PATJ: variants seen among roughly 807,000 people sequenced by gnomAD.
PATJ encodes the protein inaD-like protein.
Under a neutral mutation model 224.9 loss-of-function variants are expected in PATJ, and 190 were observed. The observed-to-expected ratio is 0.84, with a 90% CI of 0.75 to 0.95. The LOEUF (loss-of-function observed/expected upper bound fraction) is 0.95. Among genes scored for constraint, PATJ ranks in the 40% least tolerant of loss-of-function variants. The pLI is 0.00. For synonymous variants in PATJ, 769 were observed against 820.3 expected (o/e 0.94, Z 1.07); for missense variants, 2,121 against 2,270.3 (o/e 0.93, Z 1.34).
At chr1:61,943,881 C>T (rs1244105329) in intron 27 of PATJ, among the ~76,000 whole-genome samples, 2 of 152,124 alleles carry the variant, frequency 1.3e-5, no homozygotes, top group Non-Finnish European at 1.5e-5. Context: ...CCCTCTGAGA[C>T]GAAGCTTCCA....
intron 27 of PATJ, among the ~76,000 whole-genome samples, chr1:61,946,456 A>C (rs1337596228): frequency 2.0e-5 from 3 of 152,232 alleles, no homozygotes; most frequent in Non-Finnish European, 4.4e-5. Flanking sequence ...CAAATAAACT[A>C]GAAAATCTAG....
chr1:61,805,674 T>A (rs1653392059), intron 13 of PATJ, 150 bp downstream of exon 13: 1 of 585,752 alleles, frequency 1.7e-6, no homozygotes, highest in African/African-American at 1.9e-5. Flanking sequence ...ATCAATCGAT[T>A]TTTTTCCCCC....
Position 62,002,686 on chromosome 1 carries a change from G to A in PATJ, c.3867+12322G>A, listed in dbSNP as rs1398230491. Among the ~76,000 whole-genome samples, 4 of 137,920 alleles carry A rather than the reference G, an allele frequency of 2.9e-5. No individual in the cohort carries two copies. In the East Asian group the frequency reaches 8.2e-4, roughly 28 times the overall value. 90.5% of individuals were successfully genotyped at this position (137,920 alleles called of 152,430 possible). The stretch of plus-strand genomic sequence containing the variant: ...ATCGTGCCACTGCACTCAAACCTGG[G>A]CAACAAGAGCGAAACTCTGTCTCAA... On this transcript the variant is annotated intron_variant, in intron 28 of 43. Transcript: ENST00000642238.
At chr1:61,768,472 A>AAAATAAATAAATAAAT (rs141005824) in intron 4 of PATJ, among the ~76,000 whole-genome samples, 31,282 of 148,872 alleles carry the variant, frequency 0.21, 3,484 homozygotes, top group East Asian at 0.37. Context: ...TCCGTCTCAA[A>AAAATAAATAAATAAAT]AAATAAATAA....
intron 31 of PATJ, among the ~76,000 whole-genome samples, chr1:62,058,142 C>T (rs952827211): frequency 2.0e-5 from 3 of 152,174 alleles, no homozygotes; most frequent in Non-Finnish European, 4.4e-5. Flanking sequence ...CTCAGGGCAG[C>T]ATTCTTCTTG....
Position 62,026,910 on chromosome 1 carries a change from T to A in PATJ, c.3959+8963T>A, listed in dbSNP as rs768484447. ...CTGGGTCTGGAAGAGATATTTCTAT[T>A]TCCGTGTTCATAGCAACATTATTTG... On this transcript the variant is annotated intron_variant, in intron 29 of 43. Coordinates refer to ENST00000642238, the MANE Select transcript of PATJ (RefSeq NM_001350145.3). 5.9e-5 allele frequency among the ~76,000 whole-genome samples: 9 copies of A among 152,168 alleles called. 1 individual carries two copies. Among genetic ancestry groups the A allele is most frequent in the Non-Finnish European group, 1.3e-4 (9 of 68,024 alleles).
At chr1:61,819,060 C>G (rs570664885) in intron 14 of PATJ, among the ~76,000 whole-genome samples, 5 of 152,286 alleles carry the variant, frequency 3.3e-5, no homozygotes, top group African/African-American at 1.2e-4. Flanking sequence ...AGAAATTTAG[C>G]AATTATCCTT....
At chr1:61,925,821 A>G (rs1675110416) in intron 26 of PATJ, among the ~76,000 whole-genome samples, 1 of 152,240 alleles carries the variant, frequency 6.6e-6, no homozygotes, top group Non-Finnish European at 1.5e-5. Flanking sequence ...AAGAGAGTGA[A>G]GTGCTATTGA....
chr1:62,121,734 ACTGCACTC>A lies in PATJ; in HGVS notation c.5005+441_5005+448del, dbSNP rs1182377960. 5.3e-5 allele frequency among the ~76,000 whole-genome samples: 8 copies of A among 151,860 alleles called. No homozygotes were observed. In the East Asian group the frequency reaches 1.6e-3, roughly 30 times the overall value. Reference sequence around the variant, plus strand: ...GGTTGCAGTGAGCCAAGATCGTGCCACTGCACTCCAGCCTGGGTGACAGAGCAAGACTC... The same window carrying A: ...GGTTGCAGTGAGCCAAGATCGTGCCACAGCCTGGGTGACAGAGCAAGACTC... On this transcript the variant is annotated intron_variant, in intron 38 of 43. Transcript: ENST00000642238.
intron 14 of PATJ, among the ~76,000 whole-genome samples, chr1:61,815,069 G>T (rs2148676121): frequency 6.6e-6 from 1 of 152,316 alleles, no homozygotes; most frequent in South Asian, 2.1e-4. Context: ...GTTGTAGATT[G>T]TAAGAAGTGC....
At chr1:61,927,669 A>G (rs962571482) in intron 26 of PATJ, 61 bp from the exon 27 acceptor site, 6 of 1,035,606 alleles carry the variant, frequency 5.8e-6, no homozygotes, top group South Asian at 2.8e-5. Context: ...GCTTTTTGTC[A>G]TTGAAGAAAG....
chr1:61,927,795 T>G lies in PATJ; in HGVS notation c.3636T>G (p.Ser1212Arg), dbSNP rs779042729. 1 of 1,613,450 alleles carries G rather than the reference T, an allele frequency of 6.2e-7. No homozygotes were observed. Among genetic ancestry groups the G allele is most frequent in the South Asian group, 1.1e-5 (1 of 90,958 alleles). Residue 1212 changes from serine (S) to arginine (R), a missense_variant, in exon 27 of 44, where the codon AGT becomes AGG. Ser to Arg is a moderately radical substitution (Grantham distance 110). Transcript: ENST00000642238. Reference sequence around the variant, plus strand: ...CTTATAAAGCTCTGACTGATGACAGTGATGAAAATGAAGAAGAAGATGCCT... The same window carrying G: ...CTTATAAAGCTCTGACTGATGACAGGGATGAAAATGAAGAAGAAGATGCCT... ...PPPYKALTDDSDENEEEDAFT... is the reference protein window; with the variant it reads ...PPPYKALTDDRDENEEEDAFT...
intron 27 of PATJ, among the ~76,000 whole-genome samples, chr1:61,930,902 C>T (rs1675931434): frequency 6.6e-6 from 1 of 152,152 alleles, no homozygotes; most frequent in African/African-American, 2.4e-5. Flanking sequence ...GTTTCTTCTC[C>T]ATGTTGGTCA....
In PATJ at chr1:62,143,438, A is replaced by ATTTTTTTTTTTTTTT. The variant is rs34127211; in HGVS notation, c.5272-4830_5272-4816dup. 1.1e-4 allele frequency among the ~76,000 whole-genome samples: 8 copies of ATTTTTTTTTTTTTTT among 74,324 alleles called. 1 individual carries two copies. Among genetic ancestry groups the ATTTTTTTTTTTTTTT allele is most frequent in the African/African-American group, 4.6e-4 (8 of 17,232 alleles). The allele number at this position is 74,324 out of a possible 152,430, so 48.8% of individuals were successfully genotyped here. ...TTGGATATCACAGACTAAGCTGGGA[A>ATTTTTTTTTTTTTTT]TTTTTTTTTTTTTTTTTTTTTTTTT... On this transcript the variant is annotated intron_variant, in intron 41 of 43. Coordinates refer to ENST00000642238, the MANE Select transcript of PATJ (RefSeq NM_001350145.3).
Position 62,079,436 on chromosome 1 carries a change from C to T in PATJ, c.4126-14C>T, listed in dbSNP as rs755940016. 1 of 1,505,938 alleles carries T rather than the reference C, an allele frequency of 6.6e-7. No homozygotes were observed. Among genetic ancestry groups the T allele is most frequent in the East Asian group, 2.3e-5 (1 of 44,342 alleles). The allele number at this position is 1,505,938 out of a possible 1,614,324, so 93.3% of individuals were successfully genotyped here. On this transcript the variant is annotated splice_polypyrimidine_tract_variant and intron_variant, in intron 31 of 43. Coordinates refer to ENST00000642238, the MANE Select transcript of PATJ (RefSeq NM_001350145.3). ...TCCTTTTTGATATTCATCTAATTTTCCTTTCTTTTGTAGGCTGTCAGCCAG... is the reference window on the plus strand; with the variant it reads ...TCCTTTTTGATATTCATCTAATTTTTCTTTCTTTTGTAGGCTGTCAGCCAG...
At chr1:61,956,595 G>A (rs187308521) in intron 27 of PATJ, among the ~76,000 whole-genome samples, 40 of 152,216 alleles carry the variant, frequency 2.6e-4, no homozygotes, top group African/African-American at 8.7e-4. Flanking sequence ...CTAAGTGTTC[G>A]CTTGAGTATA....
At chr1:61,935,617 A>G (rs1676730600) in intron 27 of PATJ, among the ~76,000 whole-genome samples, 1 of 152,024 alleles carries the variant, frequency 6.6e-6, no homozygotes, top group Non-Finnish European at 1.5e-5. Flanking sequence ...ACATAATAAG[A>G]CCCTGTCTAC....
At chr1:61,889,208 T>G (rs1037896146) in intron 22 of PATJ, among the ~76,000 whole-genome samples, 12 of 152,214 alleles carry the variant, frequency 7.9e-5, no homozygotes, top group African/African-American at 2.9e-4. Context: ...AGCAGAGTTG[T>G]GTGTCTACGT....
chr1:62,040,311 G>T (rs1175333521), intron 30 of PATJ, among the ~76,000 whole-genome samples: 1 of 151,934 alleles, frequency 6.6e-6, no homozygotes, highest in East Asian at 1.9e-4. Flanking sequence ...GTTTCACCAT[G>T]TTGGCCAGGC....
Sources: allele counts gnomAD v4.1 joint callset (sites outside exome capture counted in the v4.1 genomes callset), GRCh38; gene constraint gnomAD v4.1.1; transcripts MANE v1.5; gene names NCBI Gene and HGNC (gene_info 2026-07-23, HGNC 2026-07-21).